UTP15: variants seen among roughly 807,000 people sequenced by gnomAD.
UTP15 encodes U3 small nucleolar RNA-associated protein 15 homolog.
In UTP15, 5 loss-of-function variants were observed where a neutral mutation model predicts 59.1. The observed-to-expected ratio is 0.08, with a 90% CI of 0.04 to 0.18. The LOEUF is 0.18. Among genes scored for constraint, UTP15 ranks in the 10% least tolerant of loss-of-function variants. UTP15 has a pLI of 1.00. For missense variants in UTP15, 494 were observed against 616.7 expected (o/e 0.80, Z 2.11); for synonymous variants, 211 against 212.2 (o/e 0.99, Z 0.05).
chr5:73,579,438 C>A, intron 12 of UTP15, 63 bp downstream of exon 12: 1 of 1,292,906 alleles, frequency 7.7e-7, no homozygotes, highest in Non-Finnish European at 1.1e-6. Context: ...GTCAAATAAT[C>A]AAATTTGGAA....
In UTP15 at chr5:73,582,650, A is replaced by G. The variant is rs1388706839; in HGVS notation, c.*2556A>G. The G allele has an allele frequency of 6.6e-6, 1 of 152,200 alleles. No homozygotes were observed. The highest frequency in any genetic ancestry group is 6.5e-5 in the Admixed American group (1 of 15,280). The allele number at this position is 152,200 out of a possible 1,614,324, so 9.4% of individuals were successfully genotyped here. On this transcript the variant is annotated 3_prime_UTR_variant, in exon 13 of 13. Coordinates refer to ENST00000296792, the MANE Select transcript of UTP15 (RefSeq NM_032175.4). ...GCAATCTTCCCACCTCAGCCTCCTT[A>G]ATGACTGGGATTAAAGGCATGAGCC...
At chr5:73,569,978 G>T (rs1747883976) in intron 5 of UTP15, among the ~76,000 whole-genome samples, 1 of 151,736 alleles carries the variant, frequency 6.6e-6, no homozygotes, top group Non-Finnish European at 1.5e-5. Context: ...GACTACAGGT[G>T]CCCACCACCA....
chr5:73,581,910 T>C lies in UTP15; in HGVS notation c.*1816T>C, dbSNP rs1748329688. On this transcript the variant is annotated 3_prime_UTR_variant, in exon 13 of 13. Coordinates refer to ENST00000296792, the MANE Select transcript of UTP15 (RefSeq NM_032175.4). ...TATGAACTTAGTCAAGATCAGAAGC[T>C]GGGTTTTGGGGTTGAGAAGAGTTCA... is the stretch of plus-strand genomic sequence containing the variant. The C allele has an allele frequency of 6.6e-6, 1 of 152,192 alleles. No homozygotes were observed. The highest frequency in any genetic ancestry group is 1.5e-5 in the Non-Finnish European group (1 of 68,034). The allele number at this position is 152,192 out of a possible 1,614,324, so 9.4% of individuals were successfully genotyped here. A position where few individuals can be genotyped will look rare whatever the true frequency, so the allele number is the denominator to read the frequency against.
chr5:73,568,649 T>A, intron 4 of UTP15, 45 bp downstream of exon 4: 1 of 1,536,710 alleles, frequency 6.5e-7, no homozygotes, highest in Non-Finnish European at 8.8e-7. Flanking sequence ...TATTTTGTTG[T>A]AAGCTCTTTT....
chr5:73,568,123 A>T, intron 2 of UTP15, 112 bp from the exon 3 acceptor site: 1 of 771,688 alleles, frequency 1.3e-6, no homozygotes, highest in Non-Finnish European at 2.0e-6. Context: ...GTTAAATACA[A>T]CTTAAGAAAT....
chr5:73,581,539 TAGAA>T lies in UTP15; in HGVS notation c.*1446_*1449del, dbSNP rs1748308468. The T allele has an allele frequency of 1.3e-5, 2 of 152,160 alleles. No homozygotes were observed. Among genetic ancestry groups the T allele is most frequent in the Non-Finnish European group, 2.9e-5 (2 of 68,020 alleles). 9.4% of individuals were successfully genotyped at this position (152,160 alleles called of 1,614,324 possible). On this transcript the variant is annotated 3_prime_UTR_variant, in exon 13 of 13. Coordinates refer to ENST00000296792, the MANE Select transcript of UTP15 (RefSeq NM_032175.4). The stretch of plus-strand genomic sequence containing the variant: ...AATCAGTAAGAAAAATGTCTTGAGC[TAGAA>T]GAACCCATAGAGGAAGATTTTGTAA...
chr5:73,572,747 C>T (rs533828000), intron 7 of UTP15, 123 bp downstream of exon 7: 2 of 986,420 alleles, frequency 2.0e-6, no homozygotes, highest in Non-Finnish European at 2.9e-6. Flanking sequence ...GAGAAAAAAA[C>T]CTGTTGAGTT....
Position 73,568,344 on chromosome 5 carries a change from ATTTCT to A in UTP15, c.183+20_183+24del, listed in dbSNP as rs1561275295. ...TCCTCAAGAGTAAGTATAATATTAAATTTCTTTATTTTTCTTTTGTATAGTTTACT... is the reference window on the plus strand; with the variant it reads ...TCCTCAAGAGTAAGTATAATATTAAATTATTTTTCTTTTGTATAGTTTACT... On this transcript the variant is annotated intron_variant, in intron 3 of 12. Transcript: ENST00000296792. 1 of 1,585,518 alleles carries A rather than the reference ATTTCT, an allele frequency of 6.3e-7. No homozygotes were observed. The highest frequency in any genetic ancestry group is 1.8e-5 in the Admixed American group (1 of 54,432).
At chr5:73,577,695 C>T (rs1254657693) in intron 8 of UTP15, among the ~76,000 whole-genome samples, 161 bp from the exon 9 acceptor site, 4 of 152,138 alleles carry the variant, frequency 2.6e-5, no homozygotes, top group African/African-American at 9.7e-5. Context: ...TTCGCTTTAA[C>T]GTCTTGCACC....
intron 2 of UTP15, chr5:73,567,669 A>G (rs535218928): frequency 4.1e-4 from 130 of 319,012 alleles, no homozygotes; most frequent in African/African-American, 2.7e-3. Context: ...TGATCAATCA[A>G]TGCCAAATGA....
At chr5:73,577,731 A>G in intron 8 of UTP15, 125 bp from the exon 9 acceptor site, 1 of 785,222 alleles carries the variant, frequency 1.3e-6, no homozygotes, top group East Asian at 3.0e-5. Flanking sequence ...GACTATGTGT[A>G]TTTGAATGGA....
At chr5:73,566,267 G>A (rs1220521625) in intron 1 of UTP15, 1 of 208,838 alleles carries the variant, frequency 4.8e-6, no homozygotes, top group Non-Finnish European at 1.0e-5. Flanking sequence ...TGTTAGGAGT[G>A]AGGAAGAAAA....
intron 1 of UTP15, 190 bp downstream of exon 1, chr5:73,566,102 C>T (rs981974718): frequency 1.3e-5 from 4 of 317,212 alleles, no homozygotes; most frequent in South Asian, 1.0e-4. Flanking sequence ...TCCTGTCCAC[C>T]GTTGTTAGTT....
Position 73,568,462 on chromosome 5 carries a change from T to G in UTP15, c.226T>G (p.Phe76Val). The change falls in exon 4 of 13, where the codon TTT (phenylalanine) becomes GTT (valine). Residue 76 changes from phenylalanine (F) to valine (V), a missense_variant. Phe to Val is a conservative substitution (Grantham distance 50, BLOSUM62 -1). Transcript: ENST00000296792. ...GRYSQEPIKT[F>V]SRFKDTAYCA... is the part of the protein sequence containing the mutation. ...ATACTCCCAAGAACCTATAAAAACC[T>G]TTTCTCGATTTAAAGACACAGCATA... The G allele has an allele frequency of 6.2e-7, 1 of 1,613,472 alleles. No homozygotes were observed. Among genetic ancestry groups the G allele is most frequent in the South Asian group, 1.1e-5 (1 of 91,010 alleles).
chr5:73,570,553 G>A (rs1717310803), intron 5 of UTP15, 33 bp from the exon 6 acceptor site: 2 of 1,608,620 alleles, frequency 1.2e-6, no homozygotes, highest in African/African-American at 2.7e-5. Context: ...GTTTTAAACA[G>A]TCAAACTAAA....
At chr5:73,569,813 T>A in intron 5 of UTP15, 138 bp downstream of exon 5, 1 of 704,042 alleles carries the variant, frequency 1.4e-6, no homozygotes, top group Non-Finnish European at 2.2e-6. Context: ...CTTCAGTTTT[T>A]AAATTAATTT....
chr5:73,567,491 CAT>C, intron 2 of UTP15, 57 bp downstream of exon 2: 1 of 1,295,286 alleles, frequency 7.7e-7, no homozygotes. Context: ...ATTTCTCTAG[CAT>C]ATGTTATACT....
intron 9 of UTP15, 33 bp from the exon 10 acceptor site, chr5:73,578,718 T>C: frequency 6.3e-7 from 1 of 1,581,330 alleles, no homozygotes; most frequent in Non-Finnish European, 8.7e-7. Context: ...AGATGCTGAT[T>C]TTCCTTCTCT....
rs961777289 is a variant in UTP15 at position 73,581,571 on chromosome 5, C to T, written c.*1477C>T. The T allele has an allele frequency of 6.6e-6, 1 of 151,548 alleles. No individual in the cohort carries two copies. Among genetic ancestry groups the T allele is most frequent in the Non-Finnish European group, 1.5e-5 (1 of 67,932 alleles). The allele number at this position is 151,548 out of a possible 1,614,324, so 9.4% of individuals were successfully genotyped here. A position where few individuals can be genotyped will look rare whatever the true frequency, so the allele number is the denominator to read the frequency against. Reference sequence around the variant, plus strand: ...ACCCATAGAGGAAGATTTTGTAATGCGAATCTCCTCTCATAATTTTAGTTC... The same window carrying T: ...ACCCATAGAGGAAGATTTTGTAATGTGAATCTCCTCTCATAATTTTAGTTC... On this transcript the variant is annotated 3_prime_UTR_variant, in exon 13 of 13. Transcript: ENST00000296792.
Sources: gnomAD v4.1 joint callset for allele counts (sites outside exome capture counted in the v4.1 genomes callset) on GRCh38, gnomAD v4.1.1 for gene constraint, MANE v1.5 for transcripts, NCBI Gene and HGNC (gene_info 2026-07-23, HGNC 2026-07-21) for gene names.